SUGCT: variants seen among roughly 807,000 people sequenced by gnomAD.
The protein encoded by SUGCT is succinyl-CoA:glutarate-CoA transferase, also known as succinyl-CoA:glutarate CoA-transferase.
In SUGCT, 41 loss-of-function variants were observed where a neutral mutation model predicts 55.0. The observed-to-expected ratio is 0.74, with a 90% CI of 0.58 to 0.97. The LOEUF (loss-of-function observed/expected upper bound fraction) is 0.97. Ranked by LOEUF, SUGCT falls within the 50% of genes least tolerant of loss-of-function variation. The pLI is 0.00. For missense variants in SUGCT, 568 were observed against 547.8 expected, an observed-to-expected ratio of 1.04 and a Z score of -0.37; for synonymous variants, 187 against 200.4, an observed-to-expected ratio of 0.93 and a Z score of 0.56.
intron 12 of SUGCT, among the ~76,000 whole-genome samples, chr7:40,705,969 A>T (rs145895952): frequency 1.3e-5 from 2 of 152,300 alleles, no homozygotes; most frequent in East Asian, 3.9e-4. Flanking sequence ...ATCATCTATA[A>T]AATGAGAAAA....
intron 12 of SUGCT, among the ~76,000 whole-genome samples, chr7:40,577,880 T>C (rs1327210006): frequency 6.6e-6 from 1 of 152,252 alleles, no homozygotes; most frequent in Non-Finnish European, 1.5e-5. Flanking sequence ...GTTTTATTGC[T>C]TGAGCAAAAT....
chr7:40,655,988 G>A (rs191970147), intron 12 of SUGCT, among the ~76,000 whole-genome samples: 5 of 152,212 alleles, frequency 3.3e-5, no homozygotes, highest in Admixed American at 6.5e-5. Flanking sequence ...GGAGCCGAGA[G>A]GGGCAAGAGA....
intron 13 of SUGCT, among the ~76,000 whole-genome samples, chr7:40,843,254 G>A (rs544273119): frequency 1.3e-3 from 195 of 152,256 alleles, no homozygotes; most frequent in Middle Eastern, 3.4e-3. Flanking sequence ...GCTCACGCCT[G>A]TAATCTCAGC....
chr7:40,996,959 C>T, the SUGCT span, among the ~76,000 whole-genome samples: 2 of 152,026 alleles, frequency 1.3e-5, no homozygotes, highest in Non-Finnish European at 1.5e-5. Flanking sequence ...TGAGTAAAAC[C>T]CCAAACTGAA....
intron 13 of SUGCT, among the ~76,000 whole-genome samples, chr7:40,801,832 G>A (rs1790832318): frequency 6.6e-6 from 1 of 150,968 alleles, no homozygotes; most frequent in South Asian, 2.1e-4. Flanking sequence ...AGGCCCTCTG[G>A]GTCAGGATGT....
chr7:40,440,157 T>G (rs1304097536), intron 9 of SUGCT, among the ~76,000 whole-genome samples: 5 of 133,480 alleles, frequency 3.7e-5, no homozygotes, highest in Non-Finnish European at 7.8e-5. Context: ...TTTTTTTTTT[T>G]TTTTTTTTTT....
At chr7:40,564,248 C>T (rs1796003698) in intron 12 of SUGCT, among the ~76,000 whole-genome samples, 2 of 152,066 alleles carry the variant, frequency 1.3e-5, no homozygotes, top group African/African-American at 2.4e-5. Context: ...TGGTAGCAGG[C>T]GCCTGTAGTC....
intron 12 of SUGCT, among the ~76,000 whole-genome samples, chr7:40,735,694 T>TA (rs373242851): frequency 7.0e-4 from 107 of 152,014 alleles, no homozygotes; most frequent in African/African-American, 2.4e-3. Flanking sequence ...GTGAACTAGG[T>TA]AAAAAACAAA....
At chr7:40,931,386 T>C in the SUGCT span, among the ~76,000 whole-genome samples, 7,959 of 152,270 alleles carry the variant, frequency 0.052, 218 homozygotes, top group South Asian at 0.073. Context: ...AAATTCTCTT[T>C]TTTTGTTGTA....
chr7:40,258,687 G>GT (rs1211630710), intron 7 of SUGCT, among the ~76,000 whole-genome samples: 1 of 152,130 alleles, frequency 6.6e-6, no homozygotes, highest in African/African-American at 2.4e-5. Context: ...TGGAAAATAT[G>GT]TTTTTTCACT....
At chr7:40,148,517 G>T (rs559627205) in intron 1 of SUGCT, among the ~76,000 whole-genome samples, 137 of 152,238 alleles carry the variant, frequency 9.0e-4, no homozygotes, top group African/African-American at 3.0e-3. Flanking sequence ...GCTGGCACAT[G>T]CCTGTAATCC....
At chr7:40,495,816 A>G (rs185167414) in intron 11 of SUGCT, among the ~76,000 whole-genome samples, 13 of 152,306 alleles carry the variant, frequency 8.5e-5, no homozygotes, top group Admixed American at 1.3e-4. Context: ...TTGTAGGCCA[A>G]TGGTTGTGAC....
the SUGCT span, chr7:40,968,332 C>G: frequency 6.6e-6 from 1 of 152,224 alleles, no homozygotes; most frequent in South Asian, 2.1e-4. Flanking sequence ...TGAAACCAAA[C>G]AGTGGAACCG....
chr7:40,330,817 A>G (rs1010241956), intron 9 of SUGCT, among the ~76,000 whole-genome samples: 3 of 152,170 alleles, frequency 2.0e-5, no homozygotes, highest in Non-Finnish European at 4.4e-5. Flanking sequence ...TTTTGTTCAA[A>G]TAATTAAGGT....
At chr7:40,952,466 ATT>A in the SUGCT span, among the ~76,000 whole-genome samples, 1 of 152,132 alleles carries the variant, frequency 6.6e-6, no homozygotes, top group African/African-American at 2.4e-5. Context: ...TAAAATTAAT[ATT>A]GTTATATCTG....
chr7:40,197,255 T>C (rs1420744335), intron 6 of SUGCT, among the ~76,000 whole-genome samples: 2 of 152,246 alleles, frequency 1.3e-5, no homozygotes, highest in African/African-American at 4.8e-5. Context: ...TTCATTTTTC[T>C]GTCTAAACAA....
intron 6 of SUGCT, among the ~76,000 whole-genome samples, chr7:40,207,540 G>C (rs62456124): frequency 2.0e-5 from 3 of 152,120 alleles, no homozygotes; most frequent in Non-Finnish European, 4.4e-5. Flanking sequence ...ACGGAAGCTG[G>C]GCGTGGTGGT....
At chr7:40,800,463 T>C (rs573597679) in intron 13 of SUGCT, among the ~76,000 whole-genome samples, 4 of 152,128 alleles carry the variant, frequency 2.6e-5, no homozygotes, top group Admixed American at 2.6e-4. Context: ...TAATTTTTTT[T>C]GTATTTTTAG....
chr7:40,843,294 G>C (rs957589059), intron 13 of SUGCT, among the ~76,000 whole-genome samples: 1 of 151,866 alleles, frequency 6.6e-6, no homozygotes, highest in Non-Finnish European at 1.5e-5. Context: ...GGCAGATCAC[G>C]AGGTCAGGAG....
Sources: allele counts gnomAD v4.1 joint callset (sites outside exome capture counted in the v4.1 genomes callset), GRCh38; gene constraint gnomAD v4.1.1; transcripts MANE v1.5; gene names NCBI Gene and HGNC (gene_info 2026-07-23, HGNC 2026-07-21).